The following ARHGAP6 variants were observed in gnomAD, a reference collection of about 807,000 sequenced individuals.
ARHGAP6 encodes Rho GTPase activating protein 6, also known as rho GTPase-activating protein 6.
In ARHGAP6, 16 loss-of-function variants were observed where a neutral mutation model predicts 55.7. The ratio of observed to expected loss-of-function variants is 0.29; its 90% confidence interval spans 0.19 to 0.44. ARHGAP6 has a LOEUF of 0.44. Ranked by LOEUF, ARHGAP6 falls within the 20% of genes least tolerant of loss-of-function variation. The pLI is 1.00. For missense variants in ARHGAP6, 698 were observed against 808.9 expected (o/e 0.86, Z 1.66); for synonymous variants, 382 against 360.9 (o/e 1.06, Z -0.66).
chrX:11,220,570 C>A (rs1425610611), intron 2 of ARHGAP6, among the ~76,000 whole-genome samples: 65 of 104,241 alleles, frequency 6.2e-4, no homozygotes, highest in Admixed American at 1.1e-3. Flanking sequence ...TACTTTACAG[C>A]CAAGCAAATG....
chrX:11,492,170 C>G (rs775630604), intron 1 of ARHGAP6, among the ~76,000 whole-genome samples: 1 of 107,711 alleles, frequency 9.3e-6, no homozygotes, highest in Non-Finnish European at 1.9e-5. Flanking sequence ...TGCCTGTTCA[C>G]TCTGATGGTA....
chrX:11,622,320 T>C (rs1006040992), intron 1 of ARHGAP6, among the ~76,000 whole-genome samples: 1 of 112,180 alleles, frequency 8.9e-6, no homozygotes, highest in Non-Finnish European at 1.9e-5. Flanking sequence ...CCCACTTTAA[T>C]ATATTGCTTT....
At chrX:11,226,416 A>G (rs748402466) in intron 2 of ARHGAP6, among the ~76,000 whole-genome samples, 4 of 111,190 alleles carry the variant, frequency 3.6e-5, no homozygotes, top group Non-Finnish European at 7.5e-5. Context: ...GTTGGTTCCA[A>G]GTGGACAGAC....
intron 1 of ARHGAP6, among the ~76,000 whole-genome samples, chrX:11,492,782 T>G (rs892601914): frequency 8.9e-6 from 1 of 112,509 alleles, no homozygotes; most frequent in South Asian, 3.7e-4. Flanking sequence ...TCTTCATTTC[T>G]TGTATACAAT....
intron 1 of ARHGAP6, among the ~76,000 whole-genome samples, chrX:11,519,292 A>T (rs1388355940): frequency 9.2e-6 from 1 of 109,286 alleles, no homozygotes; most frequent in Non-Finnish European, 1.9e-5. Flanking sequence ...CCTCCCCAGC[A>T]CCTGTTGTTT....
At chrX:11,454,181 C>T (rs5935068) in intron 1 of ARHGAP6, among the ~76,000 whole-genome samples, 2,131 of 97,996 alleles carry the variant, frequency 0.022, 29 homozygotes, top group Middle Eastern at 0.067. Context: ...GGGATGGTCT[C>T]GATCTCCTGA....
At chrX:11,638,048 G>A (rs1299178316) in intron 1 of ARHGAP6, among the ~76,000 whole-genome samples, 1 of 111,527 alleles carries the variant, frequency 9.0e-6, no homozygotes, top group East Asian at 2.8e-4. Context: ...CAGAGGCTTA[G>A]GCAGATAGAG....
rs2051374242 is a variant in ARHGAP6 at position 11,560,486 on chromosome X, G to A, written c.588+103755C>T. On this transcript the variant is annotated intron_variant, in intron 1 of 12. Coordinates refer to ENST00000337414, the MANE Select transcript of ARHGAP6 (RefSeq NM_013427.3). Reference sequence around the variant, plus strand: ...AAGCCTATGTAGGACATTTGTATGTGGACATCATAAGGTTGACACACATTT... The same window carrying A: ...AAGCCTATGTAGGACATTTGTATGTAGACATCATAAGGTTGACACACATTT... Among the ~76,000 whole-genome samples, 6 of 112,143 alleles carry A rather than the reference G, an allele frequency of 5.4e-5. No homozygotes were observed. The Admixed American group carries it at 5.7e-4, about 11-fold the overall frequency.
chrX:11,246,434 T>G (rs113581616), intron 2 of ARHGAP6, among the ~76,000 whole-genome samples: 2 of 111,759 alleles, frequency 1.8e-5, no homozygotes, highest in East Asian at 5.6e-4. Context: ...AGGTGATCGA[T>G]GCTCTTTAGA....
intron 1 of ARHGAP6, among the ~76,000 whole-genome samples, chrX:11,359,970 T>C (rs187589248): frequency 3.3e-3 from 369 of 111,653 alleles, no homozygotes; most frequent in African/African-American, 0.011. Flanking sequence ...AAGTTGAATC[T>C]CTGAATAGAC....
At chrX:11,354,295 T>TTCTCTCTCTCTC (rs1206233633) in intron 1 of ARHGAP6, among the ~76,000 whole-genome samples, 6 of 41,041 alleles carry the variant, frequency 1.5e-4, no homozygotes, top group Admixed American at 3.6e-4. Flanking sequence ...CTCTCTCTCT[T>TTCTCTCTCTCTC]TCTCTCTCTC....
At chrX:11,615,984 ATC>A (rs925882039) in intron 1 of ARHGAP6, among the ~76,000 whole-genome samples, 10 of 111,760 alleles carry the variant, frequency 8.9e-5, no homozygotes, top group Non-Finnish European at 1.7e-4. Context: ...TCCCTGCCAA[ATC>A]TCATGTTGAA....
At chrX:11,191,383 T>C (rs758260325) in intron 3 of ARHGAP6, among the ~76,000 whole-genome samples, 1 of 112,038 alleles carries the variant, frequency 8.9e-6, no homozygotes, top group Non-Finnish European at 1.9e-5. Context: ...CCACAGACAG[T>C]AAGTAAATGA....
At chrX:11,548,244 T>C (rs937167391) in intron 1 of ARHGAP6, among the ~76,000 whole-genome samples, 2 of 112,259 alleles carry the variant, frequency 1.8e-5, no homozygotes, top group Admixed American at 1.9e-4. Context: ...CCTCAAACAT[T>C]TATCGTTTGT....
intron 1 of ARHGAP6, among the ~76,000 whole-genome samples, chrX:11,644,054 T>C (rs1569070492): frequency 9.0e-6 from 1 of 111,650 alleles, no homozygotes; most frequent in Non-Finnish European, 1.9e-5. Flanking sequence ...GTTATACAAC[T>C]TTATCGTGGT....
intron 1 of ARHGAP6, among the ~76,000 whole-genome samples, chrX:11,328,410 C>T (rs907338465): frequency 1.8e-5 from 2 of 111,831 alleles, no homozygotes; most frequent in African/African-American, 3.3e-5. Context: ...AATTTGGGAG[C>T]GAGTTACCTA....
rs1424318215 is a variant in ARHGAP6, at chrX:11,411,302, CAT to C, written c.589-156597_589-156596del. Among the ~76,000 whole-genome samples the C allele has an allele frequency of 5.1e-3, 491 of 95,993 alleles. 2 individuals are homozygous for C. The highest frequency in any genetic ancestry group is 7.4e-3 in the Non-Finnish European group (358 of 48,409). 83.4% of individuals were successfully genotyped at this position (95,993 alleles called of 115,157 possible). On this transcript the variant is annotated intron_variant, in intron 1 of 12. Transcript: ENST00000337414. ...GATTTATATATGCATATATAATAAA[CAT>C]AAATATATAAACAAATGAACATATA...
At chrX:11,279,359 A>C (rs1285772171) in intron 1 of ARHGAP6, among the ~76,000 whole-genome samples, 2 of 112,304 alleles carry the variant, frequency 1.8e-5, no homozygotes. Flanking sequence ...TATTAACAAG[A>C]GTAATACAAT....
At chrX:11,431,288 T>C (rs2049938676) in intron 1 of ARHGAP6, among the ~76,000 whole-genome samples, 1 of 112,700 alleles carries the variant, frequency 8.9e-6, no homozygotes, top group Admixed American at 9.4e-5. Context: ...CTGTGGAATT[T>C]CCATGTCTTC....
Sources: gnomAD v4.1 joint callset for allele counts (sites outside exome capture counted in the v4.1 genomes callset) on GRCh38, gnomAD v4.1.1 for gene constraint, MANE v1.5 for transcripts, NCBI Gene and HGNC (gene_info 2026-07-23, HGNC 2026-07-21) for gene names.